The following CSMD2 variants were observed in gnomAD, a reference collection of about 807,000 sequenced individuals.
CSMD2 encodes CUB and Sushi multiple domains 2.
Under a neutral mutation model 398.5 loss-of-function variants are expected in CSMD2, and 130 were observed. The ratio of observed to expected loss-of-function variants is 0.33; its 90% CI spans 0.28 to 0.38. The LOEUF (loss-of-function observed/expected upper bound fraction) is 0.38, where lower values mean the gene tolerates loss of function less well. Ranked by LOEUF, CSMD2 falls within the 10% of genes least tolerant of loss-of-function variation. The pLI, the probability that CSMD2 is intolerant of heterozygous loss-of-function variation, is 1.00. For missense variants in CSMD2, 3,829 were observed against 4,764.9 expected, an observed-to-expected ratio of 0.80 and a Z score of 5.78; for synonymous variants, 1,828 against 1,908.5, an observed-to-expected ratio of 0.96 and a Z score of 1.10.
chr1:33,915,971 T>C (rs898471241), intron 5 of CSMD2, among the ~76,000 whole-genome samples: 1 of 152,194 alleles, frequency 6.6e-6, no homozygotes, highest in Non-Finnish European at 1.5e-5. Flanking sequence ...GGCCTCATTT[T>C]CCTCTTCTGT....
chr1:34,152,193 G>C (rs1640389600), intron 1 of CSMD2, among the ~76,000 whole-genome samples: 1 of 152,116 alleles, frequency 6.6e-6, no homozygotes, highest in Non-Finnish European at 1.5e-5. Flanking sequence ...TCTCATGGAG[G>C]CATGATGAAC....
intron 2 of CSMD2, among the ~76,000 whole-genome samples, chr1:34,054,726 C>T (rs1405781891): frequency 6.6e-6 from 1 of 151,946 alleles, no homozygotes; most frequent in African/African-American, 2.4e-5. Context: ...GGCGACAGAG[C>T]GAGACTCTGT....
At chr1:33,813,198 G>C (rs2124970733) in intron 9 of CSMD2, 1 of 152,346 alleles carries the variant, frequency 6.6e-6, no homozygotes, top group South Asian at 2.1e-4. Context: ...AAGGTAATGA[G>C]AGAGAACAGG....
chr1:34,076,888 T>C (rs1156360227), intron 2 of CSMD2, among the ~76,000 whole-genome samples: 3 of 117,724 alleles, frequency 2.5e-5, no homozygotes, highest in African/African-American at 7.1e-5. Context: ...TATTCCACTG[T>C]ATGGCTCTGT....
chr1:33,571,222 T>C (rs1316923142), intron 51 of CSMD2, among the ~76,000 whole-genome samples: 1 of 152,202 alleles, frequency 6.6e-6, no homozygotes, highest in Non-Finnish European at 1.5e-5. Flanking sequence ...AAATCTTTTA[T>C]CTTCAAACCT....
intron 25 of CSMD2, among the ~76,000 whole-genome samples, chr1:33,689,020 A>T (rs1301282862): frequency 6.7e-6 from 1 of 149,236 alleles, no homozygotes; most frequent in Non-Finnish European, 1.5e-5. Context: ...GCGGAGGGAG[A>T]GGAGAAAAAG....
At chr1:33,805,200 G>A (rs1319364429) in intron 10 of CSMD2, among the ~76,000 whole-genome samples, 1 of 152,186 alleles carries the variant, frequency 6.6e-6, no homozygotes. Context: ...CTCACCTTCA[G>A]GTTCAAAAGA....
At position 34,164,920 on chromosome 1, in the gene CSMD2, C is replaced by T. The variant is rs975023912; in HGVS notation, c.178G>A (p.Ala60Thr). 22 of 1,219,504 alleles carry T rather than the reference C, an allele frequency of 1.8e-5. No homozygotes were observed. The highest frequency in any genetic ancestry group is 1.3e-4 in the Admixed American group (3 of 23,200). The allele number at this position is 1,219,504 out of a possible 1,614,324, so 75.5% of individuals were successfully genotyped here. ...GCGCGGCTGGACTCACCCGCGGCGGCCGAGACGCTGAGCAACCCACAGCCC... is the reference window on the plus strand; with the variant it reads ...GCGCGGCTGGACTCACCCGCGGCGGTCGAGACGCTGAGCAACCCACAGCCC... ...LLGCGLLSVS[A>T]AAGQNCTFQL... Residue 60 changes from alanine to threonine, a missense_variant, in exon 1 of 71, where the codon GCC becomes ACC. This residue lies in a region of CSMD2 where 184 missense variants were observed against 217.7 expected (regional missense o/e 0.85). Transcript: ENST00000373381. The surrounding 1 kb of genome is among the most constrained non-coding windows in gnomAD (Gnocchi z 6.2).
chr1:34,156,089 G>A (rs1218410556), intron 1 of CSMD2, among the ~76,000 whole-genome samples: 1 of 152,176 alleles, frequency 6.6e-6, no homozygotes, highest in Non-Finnish European at 1.5e-5. Context: ...GGCCACATAG[G>A]TCCCTGGCAG....
At chr1:33,983,877 G>A (rs1646256259) in intron 3 of CSMD2, among the ~76,000 whole-genome samples, 1 of 152,176 alleles carries the variant, frequency 6.6e-6, no homozygotes, top group South Asian at 2.1e-4. Context: ...CATAGGCCGG[G>A]TGCAGTGGCT....
chr1:33,671,065 C>T (rs1644480901), intron 25 of CSMD2, among the ~76,000 whole-genome samples: 2 of 152,104 alleles, frequency 1.3e-5, no homozygotes, highest in South Asian at 4.1e-4. Context: ...GAGGCTGGCC[C>T]ACCCAGGAAA....
intron 12 of CSMD2, among the ~76,000 whole-genome samples, chr1:33,783,411 A>C (rs1304953383): frequency 6.8e-6 from 1 of 148,056 alleles, no homozygotes; most frequent in Non-Finnish European, 1.5e-5. Context: ...AGAAGAAACA[A>C]CACCATGCTC....
upstream of CSMD2, chr1:34,165,680 G>T: frequency 1.3e-6 from 2 of 1,497,874 alleles, no homozygotes; most frequent in Non-Finnish European, 1.9e-6. Context: ...TCCACGTTTG[G>T]AAATTGGAAT....
chr1:33,646,918 A>G, intron 28 of CSMD2, 83 bp from the exon 29 acceptor site: 1 of 1,348,272 alleles, frequency 7.4e-7, no homozygotes, highest in South Asian at 1.4e-5. Context: ...ACCAAAGCAT[A>G]GGGCCTCCCA....
At chr1:33,562,296 T>G (rs942672713) in intron 53 of CSMD2, among the ~76,000 whole-genome samples, 1 of 152,252 alleles carries the variant, frequency 6.6e-6, no homozygotes, top group African/African-American at 2.4e-5. Context: ...AAGAAGCTGC[T>G]GCGACCAGGT....
chr1:34,045,179 A>G (rs901466674), intron 2 of CSMD2, among the ~76,000 whole-genome samples: 1 of 151,980 alleles, frequency 6.6e-6, no homozygotes. Context: ...GTGCCTTTCT[A>G]TATATACATC....
intron 3 of CSMD2, among the ~76,000 whole-genome samples, chr1:34,003,466 T>G (rs1182748416): frequency 2.0e-5 from 3 of 152,190 alleles, no homozygotes; most frequent in Non-Finnish European, 4.4e-5. Flanking sequence ...ATGCCCAGAC[T>G]GCAGGCGCTG....
At chr1:33,802,927 T>C (rs1013067716) in intron 10 of CSMD2, among the ~76,000 whole-genome samples, 1 of 152,208 alleles carries the variant, frequency 6.6e-6, no homozygotes. Context: ...CTCTATCTTA[T>C]GTTCCTTGCC....
At chr1:33,863,884 C>T (rs1213940046) in intron 5 of CSMD2, 2 of 286,350 alleles carry the variant, frequency 7.0e-6, no homozygotes, top group African/African-American at 4.5e-5. Context: ...TCATAGCCTA[C>T]TATGAATGAA....
Sources: allele counts gnomAD v4.1 joint callset (sites outside exome capture counted in the v4.1 genomes callset), GRCh38; gene constraint gnomAD v4.1.1; regional missense constraint gnomAD v4.1.1; non-coding constraint Gnocchi (gnomAD v3.1); transcripts MANE v1.5; gene names NCBI Gene and HGNC (gene_info 2026-07-23, HGNC 2026-07-21).